Variants in ASIC2 observed in about 807,000 individuals in gnomAD.
ASIC2 encodes the protein acid-sensing ion channel 2.
In ASIC2, 25 loss-of-function variants were observed where a neutral mutation model predicts 57.3. The ratio of observed to expected loss-of-function variants is 0.44; its 90% confidence interval spans 0.32 to 0.61. The LOEUF is 0.61. Among genes scored for constraint, ASIC2 ranks in the 20% least tolerant of loss-of-function variants. ASIC2 has a pLI of 0.06. For missense variants in ASIC2, 641 were observed against 738.1 expected (o/e 0.87, Z 1.52); for synonymous variants, 319 against 307.5 (o/e 1.04, Z -0.39).
At chr17:33,220,797 GTGGCTCA>G (rs1907660455) in intron 1 of ASIC2, among the ~76,000 whole-genome samples, 2 of 152,168 alleles carry the variant, frequency 1.3e-5, no homozygotes, top group African/African-American at 4.8e-5. Flanking sequence ...GCCAGGCGCC[GTGGCTCA>G]TACCTGTAAT....
At chr17:33,380,593 G>A (rs1321729348) in intron 1 of ASIC2, among the ~76,000 whole-genome samples, 1 of 152,192 alleles carries the variant, frequency 6.6e-6, no homozygotes, top group Admixed American at 6.5e-5. Context: ...CAGGGTCTAG[G>A]CCAAGCTGTC....
intron 1 of ASIC2, among the ~76,000 whole-genome samples, chr17:33,388,310 G>A (rs576909047): frequency 2.0e-5 from 3 of 152,330 alleles, no homozygotes; most frequent in East Asian, 1.9e-4. Context: ...CTAGTAATAC[G>A]TATTTTGGAC....
intron 1 of ASIC2, among the ~76,000 whole-genome samples, chr17:33,621,184 A>G (rs570678618): frequency 6.6e-6 from 1 of 152,118 alleles, no homozygotes; most frequent in Admixed American, 6.5e-5. Flanking sequence ...TAGCCTGTGC[A>G]TGTGTTTGTT....
At chr17:33,044,055 A>C (rs2091940420) in intron 3 of ASIC2, among the ~76,000 whole-genome samples, 1 of 151,262 alleles carries the variant, frequency 6.6e-6, no homozygotes. Flanking sequence ...TTATGCAAAA[A>C]AGCAACAGGA....
intron 1 of ASIC2, among the ~76,000 whole-genome samples, chr17:33,114,364 A>G (rs2092272413): frequency 6.6e-6 from 1 of 152,246 alleles, no homozygotes; most frequent in Non-Finnish European, 1.5e-5. Context: ...AAGCACATCC[A>G]TTGCAAGGCA....
chr17:33,082,786 G>A (rs527796540), intron 3 of ASIC2, among the ~76,000 whole-genome samples: 1 of 152,202 alleles, frequency 6.6e-6, no homozygotes, highest in South Asian at 2.1e-4. Flanking sequence ...TGATGTCAAC[G>A]TTGAAGACAG....
In ASIC2 at chr17:33,736,774, T is replaced by C. The variant is rs533412009; in HGVS notation, c.555+419204A>G. Among the ~76,000 whole-genome samples the C allele has an allele frequency of 6.0e-5, 9 of 150,592 alleles. No individual in the cohort carries two copies. The South Asian group carries it at 1.9e-3, about 32-fold the overall frequency. ...TCCCTATACTTACATAGACCATATA[T>C]GGAAACATGTACAACTGTGCCCCAG... On this transcript the variant is annotated intron_variant, in intron 1 of 9. Transcript: ENST00000359872.
At chr17:33,656,255 AAGAG>A (rs1406605159) in intron 1 of ASIC2, among the ~76,000 whole-genome samples, 1 of 151,694 alleles carries the variant, frequency 6.6e-6, no homozygotes, top group Non-Finnish European at 1.5e-5. Flanking sequence ...AATCTCCAAA[AAGAG>A]AGAGAGAGAG....
intron 1 of ASIC2, among the ~76,000 whole-genome samples, chr17:33,788,029 AG>A (rs1911658598): frequency 6.6e-6 from 1 of 152,242 alleles, no homozygotes; most frequent in South Asian, 2.1e-4. Flanking sequence ...AAACACCAAA[AG>A]CAATTGCAAC....
chr17:33,163,706 G>A (rs1567769127), intron 1 of ASIC2, among the ~76,000 whole-genome samples: 1 of 152,100 alleles, frequency 6.6e-6, no homozygotes, highest in South Asian at 2.1e-4. Flanking sequence ...ACATCCTAGC[G>A]AGGTAGACAA....
intron 3 of ASIC2, among the ~76,000 whole-genome samples, chr17:33,065,923 T>C (rs1240751751): frequency 2.6e-5 from 4 of 152,222 alleles, no homozygotes; most frequent in Non-Finnish European, 4.4e-5. Context: ...AAGGCCTTTG[T>C]ATGAGATCCT....
chr17:33,329,133 T>C (rs1320191994), intron 1 of ASIC2, among the ~76,000 whole-genome samples: 5 of 152,124 alleles, frequency 3.3e-5, no homozygotes, highest in African/African-American at 7.2e-5. Flanking sequence ...CATGGAGTAG[T>C]TGATAGAGTA....
chr17:33,135,945 C>T (rs182238016), intron 1 of ASIC2, among the ~76,000 whole-genome samples: 31 of 152,284 alleles, frequency 2.0e-4, no homozygotes, highest in East Asian at 1.7e-3. Context: ...GTGAGGCAGC[C>T]GTGACACATT....
At chr17:33,874,167 A>T (rs1914493349) in intron 1 of ASIC2, among the ~76,000 whole-genome samples, 1 of 152,158 alleles carries the variant, frequency 6.6e-6, no homozygotes, top group Non-Finnish European at 1.5e-5. Flanking sequence ...TGGTGAAAAG[A>T]GAGAATGTTG....
chr17:34,142,354 A>G lies in ASIC2; in HGVS notation c.555+13624T>C, dbSNP rs367689245. Among the ~76,000 whole-genome samples the G allele has an allele frequency of 2.5e-4, 38 of 152,324 alleles. No homozygotes were observed. In the East Asian group the frequency reaches 4.2e-3, roughly 17 times the overall value. ...GAAAAAAACCCTTTTCAGAGAACAG[A>G]AAGAAAGAGACAGAAATACATATAG... On this transcript the variant is annotated intron_variant, in intron 1 of 9. Transcript: ENST00000359872.
At chr17:33,714,562 A>G (rs1307781083) in intron 1 of ASIC2, among the ~76,000 whole-genome samples, 1 of 152,210 alleles carries the variant, frequency 6.6e-6, no homozygotes, top group Non-Finnish European at 1.5e-5. Context: ...ATACTATATT[A>G]TGTTTATGGA....
intron 1 of ASIC2, among the ~76,000 whole-genome samples, chr17:33,799,394 CTTTCTTTCT>C (rs1362708345): frequency 1.6e-4 from 18 of 110,108 alleles, no homozygotes; most frequent in African/African-American, 4.8e-4. Context: ...TTCTTTCTTT[CTTTCTTTCT>C]TTTCTTTCTT....
chr17:33,415,260 C>T (rs909161829), intron 1 of ASIC2, among the ~76,000 whole-genome samples: 1 of 152,144 alleles, frequency 6.6e-6, no homozygotes, highest in Non-Finnish European at 1.5e-5. Context: ...CAAAATCTGT[C>T]GATGCTCGAA....
chr17:33,574,292 T>A (rs35116272), intron 1 of ASIC2, among the ~76,000 whole-genome samples: 14,099 of 152,234 alleles, frequency 0.093, 1,349 homozygotes, highest in African/African-American at 0.24. Context: ...CCCCTGATGA[T>A]CCACCAGGCA....
Sources: gnomAD v4.1 joint callset for allele counts (sites outside exome capture counted in the v4.1 genomes callset) on GRCh38, gnomAD v4.1.1 for gene constraint, MANE v1.5 for transcripts, NCBI Gene and HGNC (gene_info 2026-07-23, HGNC 2026-07-21) for gene names.